HOPX: variants seen among roughly 807,000 people sequenced by gnomAD.
HOPX encodes homeodomain-only protein.
A neutral mutation model predicts 11.8 loss-of-function variants in HOPX; 5 were observed. The ratio of observed to expected loss-of-function variants is 0.43; its 90% CI spans 0.22 to 0.89. The LOEUF (loss-of-function observed/expected upper bound fraction) is 0.89, where lower values mean the gene tolerates loss of function less well. Ranked by LOEUF, HOPX falls within the 40% of genes least tolerant of loss-of-function variation. The pLI is 0.28. For synonymous variants in HOPX, 49 were observed against 49.7 expected (o/e 0.99, Z 0.06); for missense variants, 119 against 120.0 (o/e 0.99, Z 0.04).
chr4:56,656,110 C>G (rs1050303647), intron 2 of HOPX, 98 bp from the exon 3 acceptor site: 3 of 1,291,648 alleles, frequency 2.3e-6, no homozygotes, highest in African/African-American at 3.2e-5. Context: ...AGCCCCAGCC[C>G]CAGGCCGCCC....
At chr4:56,653,504 T>A (rs1717403921) in intron 3 of HOPX, among the ~76,000 whole-genome samples, 1 of 152,120 alleles carries the variant, frequency 6.6e-6, no homozygotes, top group Non-Finnish European at 1.5e-5. Context: ...TGACACCCAA[T>A]CCAGTAAGGG....
intron 1 of HOPX, chr4:56,679,247 A>C (rs982630730): frequency 6.6e-6 from 1 of 152,326 alleles, no homozygotes; most frequent in Non-Finnish European, 1.5e-5. Flanking sequence ...ATCTCAAAAA[A>C]ATAAAAATAA....
At chr4:56,664,932 A>G (rs1718349932) in intron 1 of HOPX, 1 of 152,104 alleles carries the variant, frequency 6.6e-6, no homozygotes, top group African/African-American at 2.4e-5. Context: ...GTCATGGCCT[A>G]TGAGAGTAAT....
Position 56,657,981 on chromosome 4 carries a change from G to A in HOPX, c.-83-82C>T, listed in dbSNP as rs1056959308. 10 of 1,285,272 alleles carry A rather than the reference G, an allele frequency of 7.8e-6. No individual in the cohort carries two copies. The Admixed American group carries it at 2.3e-4, about 30-fold the overall frequency. The allele number at this position is 1,285,272 out of a possible 1,614,324, so 79.6% of individuals were successfully genotyped here. On this transcript the variant is annotated intron_variant, in intron 1 of 3. Transcript: ENST00000420433. ...TTTTGAATGGGCATAGACTGTCCTAGTAGGACACCAATTCTAGCCAAAGTT... is the reference window on the plus strand; with the variant it reads ...TTTTGAATGGGCATAGACTGTCCTAATAGGACACCAATTCTAGCCAAAGTT...
intron 1 of HOPX, among the ~76,000 whole-genome samples, chr4:56,669,338 G>A (rs544755180): frequency 3.9e-5 from 6 of 152,116 alleles, no homozygotes; most frequent in Non-Finnish European, 5.9e-5. Flanking sequence ...CCTGGCTGTT[G>A]AGTTAATGTG....
chr4:56,674,066 C>T (rs943691679), intron 1 of HOPX, among the ~76,000 whole-genome samples: 2 of 151,460 alleles, frequency 1.3e-5, no homozygotes, highest in Non-Finnish European at 2.9e-5. Flanking sequence ...AAGGACTCTC[C>T]TCCCTTTTCA....
intron 3 of HOPX, chr4:56,650,813 C>T: frequency 1.3e-6 from 2 of 1,542,898 alleles, no homozygotes; most frequent in Non-Finnish European, 1.7e-6. Flanking sequence ...AATCACTACC[C>T]TTCATGAGAA....
chr4:56,674,137 C>A (rs1348289433), intron 1 of HOPX, among the ~76,000 whole-genome samples: 2 of 151,680 alleles, frequency 1.3e-5, no homozygotes, highest in Non-Finnish European at 2.9e-5. Context: ...CTCCTGCTTT[C>A]TTCCCTCCTG....
rs73818220 is a variant in HOPX, at chr4:56,671,891, T to A, written c.-84+9364A>T. On this transcript the variant is annotated intron_variant, in intron 1 of 3. Transcript: ENST00000420433. ...ACAACTGTCTTAATTGCTTTAGACGTCCATTTCATCATCTACTATTGAAGC... is the reference window on the plus strand; with the variant it reads ...ACAACTGTCTTAATTGCTTTAGACGACCATTTCATCATCTACTATTGAAGC... Among the ~76,000 whole-genome samples, 1,449 of 152,184 alleles carry A rather than the reference T, an allele frequency of 9.5e-3. 36 individuals carry two copies. Among genetic ancestry groups the A allele is most frequent in the African/African-American group, 0.033 (1,371 of 41,446 alleles).
chr4:56,674,661 G>GT (rs772775632), intron 1 of HOPX, among the ~76,000 whole-genome samples: 23 of 151,640 alleles, frequency 1.5e-4, no homozygotes, highest in Non-Finnish European at 3.1e-4. Context: ...CTGTTTTCAT[G>GT]TTTGGTCACA....
chr4:56,660,568 A>T (rs6818668), intron 1 of HOPX, among the ~76,000 whole-genome samples: 49,626 of 151,472 alleles, frequency 0.33, 8,476 homozygotes, highest in Middle Eastern at 0.43. Flanking sequence ...TTGAAAAAAA[A>T]TTTTTTTTCC....
rs1283236120 is a variant in HOPX, at chr4:56,657,875, C to G, written c.-59G>C. 3.9e-6 allele frequency: 6 copies of G among 1,551,442 alleles called. No individual in the cohort carries two copies. In the East Asian group the frequency reaches 1.5e-4, roughly 38 times the overall value. On this transcript the variant is annotated 5_prime_UTR_variant, in exon 2 of 4. Coordinates refer to ENST00000420433, the MANE Select transcript of HOPX (RefSeq NM_032495.6). ...GTGACCTGTGCTCCGCTAGACCCTT[C>G]TCAGTGGGGCAGTCTGTCATTAGTC...
intron 1 of HOPX, among the ~76,000 whole-genome samples, chr4:56,673,985 A>G (rs546133609): frequency 2.7e-4 from 41 of 151,774 alleles, no homozygotes; most frequent in Admixed American, 9.8e-4. Context: ...GATTACAGGC[A>G]TGAGCCACTG....
rs1466616873 is a variant in HOPX, at chr4:56,648,153, T to C, written c.*567A>G. The stretch of plus-strand genomic sequence containing the variant: ...CTTAGATGCTTGCTTTTTTGCCAGT[T>C]GGAGTTTCTGTCTTCTGGCCCAACA... On this transcript the variant is annotated 3_prime_UTR_variant, in exon 4 of 4. Transcript: ENST00000420433. 2.0e-5 allele frequency: 3 copies of C among 152,200 alleles called. No homozygotes were observed. The highest frequency in any genetic ancestry group is 7.2e-5 in the African/African-American group (3 of 41,444). The allele number at this position is 152,200 out of a possible 1,614,324, so 9.4% of individuals were successfully genotyped here. A position where few individuals can be genotyped will look rare whatever the true frequency, so the allele number is the denominator to read the frequency against.
chr4:56,681,501 A>G (rs1266169530), upstream of HOPX: 46 of 997,964 alleles, frequency 4.6e-5, no homozygotes, highest in Non-Finnish European at 5.4e-5. Context: ...GACTTCTGAG[A>G]GTCTCATGGA....
chr4:56,678,084 G>A (rs921602917), intron 1 of HOPX, among the ~76,000 whole-genome samples: 6 of 151,612 alleles, frequency 4.0e-5, no homozygotes, highest in Non-Finnish European at 2.9e-5. Context: ...TTGCTGCCCC[G>A]CAGCATGTCT....
intron 1 of HOPX, among the ~76,000 whole-genome samples, chr4:56,675,615 A>G (rs1372458829): frequency 6.6e-6 from 1 of 151,696 alleles, no homozygotes; most frequent in Non-Finnish European, 1.5e-5. Context: ...TTTCCCAGCA[A>G]ATAAAAAGGA....
chr4:56,670,368 T>G (rs892203241), intron 1 of HOPX, among the ~76,000 whole-genome samples: 1 of 152,054 alleles, frequency 6.6e-6, no homozygotes, highest in African/African-American at 2.4e-5. Context: ...TATGGGAAAA[T>G]GTCTCAATAT....
chr4:56,678,767 CTTTTTT>C (rs1719163789), intron 1 of HOPX: 1 of 150,402 alleles, frequency 6.6e-6, no homozygotes, highest in Admixed American at 6.6e-5. Flanking sequence ...TTTTTTTTTT[CTTTTTT>C]AAGTTCTCCA....
Sources: gnomAD v4.1 joint callset for allele counts (sites outside exome capture counted in the v4.1 genomes callset) on GRCh38, gnomAD v4.1.1 for gene constraint, MANE v1.5 for transcripts, NCBI Gene and HGNC (gene_info 2026-07-23, HGNC 2026-07-21) for gene names.